ATP7B: variants seen among roughly 807,000 people sequenced by gnomAD.
The protein encoded by ATP7B is copper-transporting ATPase 2.
ATP7B carries 113 observed loss-of-function variants against 118.9 expected under a neutral mutation model. The ratio of observed to expected loss-of-function variants is 0.95; its 90% CI spans 0.82 to 1.11. The LOEUF (loss-of-function observed/expected upper bound fraction) is 1.11, where lower values mean the gene tolerates loss of function less well. Among genes scored for constraint, ATP7B ranks in the 50% most tolerant of loss-of-function variants. The pLI, the probability that ATP7B is intolerant of heterozygous loss-of-function variation, is 0.00. For missense variants in ATP7B, 1,867 were observed against 1,871.4 expected, an observed-to-expected ratio of 1.00 and a Z score of 0.04; for synonymous variants, 777 against 727.4, an observed-to-expected ratio of 1.07 and a Z score of -1.10.
At chr13:51,996,007 C>CT (rs1410846306) in intron 1 of ATP7B, among the ~76,000 whole-genome samples, 4 of 152,216 alleles carry the variant, frequency 2.6e-5, no homozygotes, top group Admixed American at 2.6e-4. Flanking sequence ...ATGCCACTTC[C>CT]TTTTATTACC....
In ATP7B at chr13:51,947,481, C is replaced by A. The variant is rs1957737957; in HGVS notation, c.2866-1003G>T. Among the ~76,000 whole-genome samples the A allele has an allele frequency of 2.0e-5, 3 of 152,092 alleles. No homozygotes were observed. In the South Asian group the frequency reaches 6.2e-4, roughly 32 times the overall value. On this transcript the variant is annotated intron_variant, in intron 12 of 20. Transcript: ENST00000242839. ...ATGGCTGGTGGCTATGGAGTATAAT[C>A]AAGAGATACTATGTTCACTTACTTA...
rs750891085 is a variant in ATP7B, at chr13:51,944,243, G to A, written c.3109C>T (p.Pro1037Ser). 20 of 1,614,030 alleles carry A rather than the reference G, an allele frequency of 1.2e-5. No individual in the cohort carries two copies. The highest frequency in any genetic ancestry group is 1.7e-5 in the Non-Finnish European group (20 of 1,179,978). Reference sequence around the variant, plus strand: ...AGCAGGAGCACCCGCATGACCCTGGGGACGCCATGGGTAATGGTGCCAGTC... The same window carrying A: ...AGCAGGAGCACCCGCATGACCCTGGAGACGCCATGGGTAATGGTGCCAGTC... ...DKTGTITHGV[P>S]RVMRVLLLGD... The change falls in exon 14 of 21, where the codon CCC becomes TCC. Residue 1037 changes from proline to serine, a missense_variant. Pro to Ser is a moderately conservative substitution (Grantham distance 74). Transcript: ENST00000242839.
At position 51,958,475 on chromosome 13, in the gene ATP7B, C is replaced by T. The variant is rs762746959; in HGVS notation, c.2191G>A (p.Val731Met). Reference protein sequence around the residue: ...SLRHRSANMDVLIVLATSIAY... With the variant: ...SLRHRSANMDMLIVLATSIAY... ...ATGCTTGTGGCCAGGACGATGAGCA[C>T]GTCCATGTTGGCTGACCTGTGTCTC... Residue 731 changes from valine (V) to methionine (M), a missense_variant, in exon 8 of 21, where the codon GTG becomes ATG. Transcript: ENST00000242839. 23 of 1,614,060 alleles carry T rather than the reference C, an allele frequency of 1.4e-5. No homozygotes were observed. Among genetic ancestry groups the T allele is most frequent in the African/African-American group, 1.1e-4 (8 of 74,924 alleles).
At chr13:52,002,396 TA>T (rs111933118) in intron 1 of ATP7B, among the ~76,000 whole-genome samples, 102 of 139,442 alleles carry the variant, frequency 7.3e-4, no homozygotes, top group African/African-American at 1.2e-3. Flanking sequence ...ACCGTGTCTC[TA>T]AAAAAAAAAA....
rs1957053765 is a variant in ATP7B at position 51,937,675 on chromosome 13, C to T, written c.3704G>A (p.Gly1235Asp). 6.2e-7 allele frequency: 1 copy of T among 1,614,172 alleles called. No homozygotes were observed. The highest frequency in any genetic ancestry group is 1.1e-5 in the South Asian group (1 of 91,086). Residue 1235 changes from glycine (G) to aspartate (D), a missense_variant, in exon 18 of 21, where the codon GGC becomes GAC. Gly to Asp is a moderately conservative substitution (Grantham distance 94). Coordinates refer to ENST00000242839, the MANE Select transcript of ATP7B (RefSeq NM_000053.4). ...KTARAIATQV[G>D]INKVFAEVLP... ...CACCTCTGCAAAGACTTTGTTGATG[C>T]CAACCTAAGACAAAAGGAAGGCAAT... is the stretch of plus-strand genomic sequence containing the variant.
intron 7 of ATP7B, chr13:51,958,881 G>C (rs983643299): frequency 2.6e-4 from 100 of 379,704 alleles, no homozygotes; most frequent in African/African-American, 1.9e-3. Context: ...AAGAGAATGG[G>C]CTCTATCTAT....
At chr13:51,964,512 T>C (rs1035203262) in intron 5 of ATP7B, among the ~76,000 whole-genome samples, 1 of 152,206 alleles carries the variant, frequency 6.6e-6, no homozygotes, top group East Asian at 1.9e-4. Flanking sequence ...AACGTTCCTT[T>C]GCTCTACAGA....
rs1956777864 is a variant in ATP7B, at chr13:51,932,840, A to G, written c.*1916T>C. 2.0e-5 allele frequency: 3 copies of G among 152,338 alleles called. No individual in the cohort carries two copies. Among genetic ancestry groups the G allele is most frequent in the South Asian group, 4.1e-4 (2 of 4,830 alleles). The allele number at this position is 152,338 out of a possible 1,614,324, so 9.4% of individuals were successfully genotyped here. ...ATATGAACACAACGTTTATGGTCCT[A>G]AAAGTTTTAAAAATCAACAGAATTA... On this transcript the variant is annotated 3_prime_UTR_variant, in exon 21 of 21. Coordinates refer to ENST00000242839, the MANE Select transcript of ATP7B (RefSeq NM_000053.4).
intron 1 of ATP7B, among the ~76,000 whole-genome samples, chr13:52,000,807 G>T (rs1953458138): frequency 6.6e-6 from 1 of 152,130 alleles, no homozygotes; most frequent in Non-Finnish European, 1.5e-5. Flanking sequence ...GACCACTTGA[G>T]CCCAGATGTT....
intron 13 of ATP7B, among the ~76,000 whole-genome samples, chr13:51,945,069 G>A (rs1285823515): frequency 1.7e-5 from 2 of 118,584 alleles, no homozygotes; most frequent in Non-Finnish European, 3.7e-5. Context: ...TTCTGATGCT[G>A]AGCGGTGGCC....
chr13:51,940,781 G>A (rs770213616), intron 16 of ATP7B, among the ~76,000 whole-genome samples: 3 of 152,188 alleles, frequency 2.0e-5, no homozygotes, highest in Non-Finnish European at 4.4e-5. Flanking sequence ...AGGGATGAAG[G>A]AGAAGGATGA....
rs533379648 is a variant in ATP7B, at chr13:51,989,347, G to A, written c.52-14179C>T. Among the ~76,000 whole-genome samples, 3 of 152,152 alleles carry A rather than the reference G, an allele frequency of 2.0e-5. No individual in the cohort carries two copies. The East Asian group carries it at 5.8e-4, about 29-fold the overall frequency. On this transcript the variant is annotated intron_variant, in intron 1 of 20. Transcript: ENST00000242839. The stretch of plus-strand genomic sequence containing the variant: ...GGCATTCATTCAAACACATAGGAGG[G>A]CCTACTATGTGCCAGGGCTATGTGT...
chr13:51,961,716 TA>T, intron 6 of ATP7B, 120 bp downstream of exon 6: 1 of 948,272 alleles, frequency 1.1e-6, no homozygotes, highest in Non-Finnish European at 1.7e-6. Context: ...ATTACAAGGG[TA>T]AAGGCAGCTA....
intron 14 of ATP7B, among the ~76,000 whole-genome samples, chr13:51,943,373 G>T (rs1356599921): frequency 2.6e-5 from 4 of 152,150 alleles, no homozygotes; most frequent in Non-Finnish European, 2.9e-5. Flanking sequence ...AGAAAGAGTG[G>T]GCTGTCTGAC....
chr13:52,008,458 G>A lies in ATP7B; in HGVS notation c.51+2829C>T, dbSNP rs1016057289. Among the ~76,000 whole-genome samples the A allele has an allele frequency of 3.9e-5, 6 of 152,094 alleles. No homozygotes were observed. In the East Asian group the frequency reaches 7.7e-4, roughly 20 times the overall value. On this transcript the variant is annotated intron_variant, in intron 1 of 20. Coordinates refer to ENST00000242839, the MANE Select transcript of ATP7B (RefSeq NM_000053.4). ...GGTTGGAGCACGGGGCTGAACATTCGAATCCCCTAATCACATGGTTGGTTC... is the reference window on the plus strand; with the variant it reads ...GGTTGGAGCACGGGGCTGAACATTCAAATCCCCTAATCACATGGTTGGTTC...
At chr13:51,962,415 G>C (rs2139685015) in intron 5 of ATP7B, among the ~76,000 whole-genome samples, 1 of 152,292 alleles carries the variant, frequency 6.6e-6, no homozygotes, top group South Asian at 2.1e-4. Flanking sequence ...CCGCAATCTT[G>C]TGCTTTGCTC....
chr13:51,952,648 C>T (rs1958081247), intron 9 of ATP7B, among the ~76,000 whole-genome samples: 1 of 152,138 alleles, frequency 6.6e-6, no homozygotes, highest in African/African-American at 2.4e-5. Flanking sequence ...TTGCTATGTA[C>T]AACTATATAA....
At chr13:51,941,011 C>T (rs1957297466) in intron 16 of ATP7B, 70 bp downstream of exon 16, 6 of 1,600,234 alleles carry the variant, frequency 3.7e-6, no homozygotes, top group Middle Eastern at 1.7e-4. Context: ...TAAAGGAGGA[C>T]TCTTTTGCCT....
rs1462451206 is a variant in ATP7B at position 51,937,636 on chromosome 13, T to TTG, written c.3741_3742dup (p.Lys1248ThrfsTer83). The stretch of plus-strand genomic sequence containing the variant: ...CTGGAGCTCCTGGACCTTGGCCACC[T>TTG]TGTGCGAAGGCAGCACCTCTGCAAA... On this transcript the variant is annotated frameshift_variant, in exon 18 of 21. Transcript: ENST00000242839. LOFTEE classifies it high-confidence loss of function. 8 of 1,614,164 alleles carry TTG rather than the reference T, an allele frequency of 5.0e-6. No homozygotes were observed. The highest frequency in any genetic ancestry group is 6.8e-6 in the Non-Finnish European group (8 of 1,180,058).
Sources: gnomAD v4.1 joint callset for allele counts (sites outside exome capture counted in the v4.1 genomes callset) on GRCh38, gnomAD v4.1.1 for gene constraint, MANE v1.5 for transcripts, NCBI Gene and HGNC (gene_info 2026-07-23, HGNC 2026-07-21) for gene names.